PCLO: variants seen among roughly 807,000 people sequenced by gnomAD.
PCLO encodes the protein protein piccolo.
PCLO carries 82 observed loss-of-function variants against 427.5 expected under a neutral mutation model. The observed-to-expected ratio is 0.19, with a 90% CI of 0.16 to 0.23. The LOEUF (loss-of-function observed/expected upper bound fraction) is 0.23, where lower values mean the gene tolerates loss of function less well. Among genes scored for constraint, PCLO ranks in the 10% least tolerant of loss-of-function variants. The pLI, the probability that PCLO is intolerant of heterozygous loss-of-function variation, is 1.00. For synonymous variants in PCLO, 2,357 were observed against 2,155.4 expected (o/e 1.09, Z -2.59); for missense variants, 6,239 against 6,115.9 (o/e 1.02, Z -0.67).
chr7:83,046,966 A>G (rs1319454288), intron 3 of PCLO, among the ~76,000 whole-genome samples: 7 of 152,050 alleles, frequency 4.6e-5, no homozygotes, highest in Admixed American at 3.9e-4. Flanking sequence ...AAGGATAAAA[A>G]TAGCTAATTA....
At chr7:82,969,403 T>C (rs1439882563) in intron 3 of PCLO, among the ~76,000 whole-genome samples, 2 of 152,166 alleles carry the variant, frequency 1.3e-5, no homozygotes, top group South Asian at 2.1e-4. Context: ...GAGAGCCTCA[T>C]TGGCTATTTC....
At chr7:82,821,112 C>T in intron 20 of PCLO, 6 of 1,045,906 alleles carry the variant, frequency 5.7e-6, no homozygotes, top group Non-Finnish European at 6.9e-6. Context: ...TTCTGCTCAC[C>T]TCCTTCTGGC....
intron 20 of PCLO, chr7:82,821,003 A>G (rs1193754595): frequency 8.2e-7 from 1 of 1,221,474 alleles, no homozygotes; most frequent in African/African-American, 1.6e-5. Flanking sequence ...AAAGCACATT[A>G]AAAAGTGGAT....
intron 20 of PCLO, among the ~76,000 whole-genome samples, chr7:82,817,488 C>G (rs1791701304): frequency 6.6e-6 from 1 of 152,108 alleles, no homozygotes. Context: ...CTACTATCAT[C>G]TGTACCCAGC....
At chr7:82,977,380 T>TTTTTTTTA (rs371428755) in intron 3 of PCLO, among the ~76,000 whole-genome samples, 3 of 132,728 alleles carry the variant, frequency 2.3e-5, no homozygotes, top group African/African-American at 8.4e-5. Context: ...AATTCATCTT[T>TTTTTTTTA]TTTATTTATT....
chr7:82,908,809 G>T, intron 8 of PCLO, 68 bp downstream of exon 8: 1 of 1,329,264 alleles, frequency 7.5e-7, no homozygotes, highest in Non-Finnish European at 1.1e-6. Flanking sequence ...GGACAATTAA[G>T]ACCATTCTAG....
chr7:82,779,716 T>G (rs1223866133), intron 22 of PCLO, among the ~76,000 whole-genome samples: 1 of 150,328 alleles, frequency 6.7e-6, no homozygotes, highest in African/African-American at 2.4e-5. Flanking sequence ...TCTTTATTTT[T>G]GCTCTATATT....
intron 14 of PCLO, 53 bp downstream of exon 14, chr7:82,841,406 G>T: frequency 9.2e-7 from 1 of 1,083,524 alleles, no homozygotes; most frequent in Non-Finnish European, 1.4e-6. Flanking sequence ...CAAACCAGTG[G>T]CAAAACAACC....
chr7:82,797,291 A>G (rs7784058), intron 22 of PCLO, among the ~76,000 whole-genome samples: 54,781 of 152,014 alleles, frequency 0.36, 10,463 homozygotes, highest in African/African-American at 0.46. Flanking sequence ...TAAAGATGAT[A>G]AACACCTGGT....
At position 83,051,375 on chromosome 7, in the gene PCLO, C is replaced by T. The variant is rs535301104; in HGVS notation, c.3300+82875G>A. Among the ~76,000 whole-genome samples the T allele has an allele frequency of 1.4e-4, 22 of 152,164 alleles. No homozygotes were observed. In the South Asian group the frequency reaches 4.4e-3, roughly 30 times the overall value. ...TATAGCAAGGTTGCAGAATACAAGG[C>T]TAACATATCAAAGTCAATGTCTTTC... On this transcript the variant is annotated intron_variant, in intron 3 of 24. Coordinates refer to ENST00000333891, the MANE Select transcript of PCLO (RefSeq NM_033026.6).
intron 6 of PCLO, among the ~76,000 whole-genome samples, chr7:82,937,338 T>C (rs1234660078): frequency 6.7e-6 from 1 of 148,648 alleles, no homozygotes; most frequent in Non-Finnish European, 1.5e-5. Context: ...ACACTACAGT[T>C]TTTTTTTTTT....
chr7:82,970,779 G>A (rs1350808495), intron 3 of PCLO, among the ~76,000 whole-genome samples: 1 of 151,668 alleles, frequency 6.6e-6, no homozygotes, highest in Non-Finnish European at 1.5e-5. Flanking sequence ...ACAGAATCTA[G>A]GTAAAATACA....
chr7:82,892,797 T>C (rs1793802797), intron 9 of PCLO, among the ~76,000 whole-genome samples: 2 of 152,074 alleles, frequency 1.3e-5, no homozygotes, highest in African/African-American at 2.4e-5. Context: ...AGAAGACATT[T>C]ATGCAGACAA....
rs139776462 is a variant in PCLO at position 82,932,762 on chromosome 7, T to C, written c.11113-15889A>G. ...GACAAGTATGCCTGTAGATGAAACA[T>C]GCTAGATTGCACTGTTAATGCAAAT... is the stretch of plus-strand genomic sequence containing the variant. On this transcript the variant is annotated intron_variant, in intron 6 of 24. Coordinates refer to ENST00000333891, the MANE Select transcript of PCLO (RefSeq NM_033026.6). Among the ~76,000 whole-genome samples the C allele has an allele frequency of 1.7e-3, 255 of 152,206 alleles. 1 individual carries two copies. Among genetic ancestry groups the C allele is most frequent in the African/African-American group, 5.9e-3 (245 of 41,564 alleles).
chr7:82,857,962 A>G lies in PCLO; in HGVS notation c.13655-10715T>C, dbSNP rs976326150. 2.0e-5 allele frequency among the ~76,000 whole-genome samples: 3 copies of G among 152,160 alleles called. No individual in the cohort carries two copies. The South Asian group carries it at 6.2e-4, about 32-fold the overall frequency. ...ATTGAAGAGGAAGAAATACTTCCAA[A>G]CTCATTGTATAAGGCCAGTATTACC... On this transcript the variant is annotated intron_variant, in intron 10 of 24. Coordinates refer to ENST00000333891, the MANE Select transcript of PCLO (RefSeq NM_033026.6).
chr7:82,836,772 G>A (rs564111636), intron 15 of PCLO, among the ~76,000 whole-genome samples: 9 of 152,224 alleles, frequency 5.9e-5, no homozygotes, highest in Admixed American at 5.2e-4. Context: ...GAATCTCAAA[G>A]AAATTGGTGA....
chr7:82,841,742 T>C (rs1489562144), intron 13 of PCLO, among the ~76,000 whole-genome samples: 1 of 152,122 alleles, frequency 6.6e-6, no homozygotes, highest in African/African-American at 2.4e-5. Flanking sequence ...TTTGAAGCTG[T>C]AATTTTATAC....
chr7:83,015,297 T>C (rs1788178205), intron 3 of PCLO, among the ~76,000 whole-genome samples: 1 of 152,014 alleles, frequency 6.6e-6, no homozygotes, highest in Non-Finnish European at 1.5e-5. Flanking sequence ...GAAAATCAAA[T>C]TTCTGGGCTT....
chr7:83,153,524 G>A (rs1792190566), intron 2 of PCLO, among the ~76,000 whole-genome samples: 1 of 151,996 alleles, frequency 6.6e-6, no homozygotes, highest in Non-Finnish European at 1.5e-5. Flanking sequence ...CAAGCTTCAC[G>A]TCTCAGGGAT....
Sources: allele counts gnomAD v4.1 joint callset (sites outside exome capture counted in the v4.1 genomes callset), GRCh38; gene constraint gnomAD v4.1.1; transcripts MANE v1.5; gene names NCBI Gene and HGNC (gene_info 2026-07-23, HGNC 2026-07-21).